Variants in UGCG observed in about 807,000 individuals in gnomAD.
UGCG encodes the protein ceramide glucosyltransferase.
A neutral mutation model predicts 49.5 loss-of-function variants in UGCG; 10 were observed. The observed-to-expected ratio is 0.20, with a 90% confidence interval of 0.12 to 0.34. The LOEUF is 0.34. Ranked by LOEUF, UGCG falls within the 10% of genes least tolerant of loss-of-function variation. UGCG has a pLI of 1.00. For synonymous variants in UGCG, 182 were observed against 158.2 expected (o/e 1.15, Z -1.13); for missense variants, 312 against 483.7 (o/e 0.65, Z 3.33).
intron 7 of UGCG, 78 bp downstream of exon 7, chr9:111,931,435 T>A: frequency 1.5e-6 from 2 of 1,342,312 alleles, no homozygotes; most frequent in Non-Finnish European, 2.1e-6. Context: ...AGGTTTAATG[T>A]AGTTAAATGA....
rs749473921 is a variant in UGCG at position 111,922,831 on chromosome 9, A to G, written c.241-18A>G. 1 of 1,558,640 alleles carries G rather than the reference A, an allele frequency of 6.4e-7. No homozygotes were observed. The highest frequency in any genetic ancestry group is 8.7e-7 in the Non-Finnish European group (1 of 1,143,256). ...TTTTTTTAAAGAATTTAATTTACAT[A>G]CAATGCTTTTTGACTAGTATGAAGT... On this transcript the variant is annotated intron_variant, in intron 2 of 8. Transcript: ENST00000374279.
chr9:111,922,739 T>A, intron 2 of UGCG, 110 bp from the exon 3 acceptor site: 1 of 626,204 alleles, frequency 1.6e-6, no homozygotes, highest in African/African-American at 1.9e-5. Flanking sequence ...TTTAAAACTT[T>A]GCATAATACA....
At chr9:111,928,534 C>T (rs962270734) in intron 5 of UGCG, among the ~76,000 whole-genome samples, 5 of 152,186 alleles carry the variant, frequency 3.3e-5, no homozygotes, top group Admixed American at 2.6e-4. Flanking sequence ...TGACTAACAT[C>T]TCATTCCTAA....
chr9:111,923,911 T>C (rs952688911), intron 3 of UGCG, among the ~76,000 whole-genome samples: 5 of 151,868 alleles, frequency 3.3e-5, no homozygotes, highest in African/African-American at 1.2e-4. Context: ...GATTATAGCC[T>C]CCCCAGTAGC....
chr9:111,926,988 T>A (rs1429346540), intron 5 of UGCG, among the ~76,000 whole-genome samples: 1 of 145,018 alleles, frequency 6.9e-6, no homozygotes, highest in African/African-American at 2.5e-5. Context: ...TTCTTCTGCC[T>A]CAGCCTCCCA....
chr9:111,932,440 G>T (rs1838442913), intron 8 of UGCG, 81 bp downstream of exon 8: 8 of 1,365,566 alleles, frequency 5.9e-6, no homozygotes, highest in Non-Finnish European at 8.0e-6. Context: ...TGAAGGAAAT[G>T]TATCTGAGCC....
intron 5 of UGCG, among the ~76,000 whole-genome samples, chr9:111,927,223 A>G (rs1256367416): frequency 6.6e-6 from 1 of 152,192 alleles, no homozygotes; most frequent in Non-Finnish European, 1.5e-5. Context: ...TACACAAAAG[A>G]AAATGTATTC....
chr9:111,899,653 ACT>A (rs1780570115), intron 1 of UGCG, among the ~76,000 whole-genome samples: 1 of 151,446 alleles, frequency 6.6e-6, no homozygotes, highest in Admixed American at 6.6e-5. Context: ...ACATTTTCTA[ACT>A]CTGTTATAAT....
At position 111,933,822 on chromosome 9, in the gene UGCG, C is replaced by G. The variant is rs1009697766; in HGVS notation, c.*825C>G. On this transcript the variant is annotated 3_prime_UTR_variant, in exon 9 of 9. Transcript: ENST00000374279. ...ATCTTTTCCTTCCTTGCTCCTCCCC[C>G]AGCCCACCCCGTCTTCCCTTAACAT... The G allele has an allele frequency of 3.3e-5, 5 of 152,134 alleles. No homozygotes were observed. Among genetic ancestry groups the G allele is most frequent in the African/African-American group, 9.7e-5 (4 of 41,420 alleles). 9.4% of individuals were successfully genotyped at this position (152,134 alleles called of 1,614,324 possible).
At chr9:111,920,307 A>G (rs550897339) in intron 2 of UGCG, among the ~76,000 whole-genome samples, 1 of 152,082 alleles carries the variant, frequency 6.6e-6, no homozygotes. Context: ...CTTATTAGCT[A>G]ACCTTCTTCA....
intron 5 of UGCG, 109 bp downstream of exon 5, chr9:111,926,605 C>T (rs767595241): frequency 1.1e-5 from 8 of 744,414 alleles, no homozygotes; most frequent in African/African-American, 7.2e-5. Flanking sequence ...TGTATTAAGT[C>T]CATTTGGGAA....
intron 1 of UGCG, among the ~76,000 whole-genome samples, chr9:111,908,585 C>G (rs1375620986): frequency 6.6e-6 from 1 of 152,034 alleles, no homozygotes; most frequent in Non-Finnish European, 1.5e-5. Flanking sequence ...TAAAAAGTAC[C>G]CCCCACACCA....
At chr9:111,927,000 G>A (rs1481486484) in intron 5 of UGCG, among the ~76,000 whole-genome samples, 1 of 146,614 alleles carries the variant, frequency 6.8e-6, no homozygotes, top group Non-Finnish European at 1.5e-5. Flanking sequence ...AGCCTCCCAA[G>A]TAGCTGGGAT....
chr9:111,918,924 C>CAA (rs71373797), intron 2 of UGCG, among the ~76,000 whole-genome samples: 61 of 111,868 alleles, frequency 5.5e-4, no homozygotes, highest in Middle Eastern at 4.9e-3. Context: ...GACTCCGTCT[C>CAA]AAAAAAAAAA....
chr9:111,929,801 G>A, intron 6 of UGCG, 123 bp downstream of exon 6: 1 of 1,082,306 alleles, frequency 9.2e-7, no homozygotes, highest in Non-Finnish European at 1.3e-6. Flanking sequence ...AGTAAGTACA[G>A]AATAGGTCAA....
intron 1 of UGCG, among the ~76,000 whole-genome samples, chr9:111,900,335 A>G (rs988248160): frequency 1.3e-5 from 2 of 152,126 alleles, no homozygotes; most frequent in Non-Finnish European, 2.9e-5. Context: ...CCCTGTGTAC[A>G]TAAGGTCCTA....
At chr9:111,930,275 T>C (rs1020121892) in intron 6 of UGCG, among the ~76,000 whole-genome samples, 1 of 152,236 alleles carries the variant, frequency 6.6e-6, no homozygotes, top group Non-Finnish European at 1.5e-5. Context: ...TTTTACTATA[T>C]AGATACAAAT....
At chr9:111,909,586 T>C (rs189042947) in intron 1 of UGCG, among the ~76,000 whole-genome samples, 1 of 152,234 alleles carries the variant, frequency 6.6e-6, no homozygotes, top group African/African-American at 2.4e-5. Flanking sequence ...GGAATTCACC[T>C]GTTGCTTGTT....
intron 1 of UGCG, 132 bp from the exon 2 acceptor site, chr9:111,914,473 T>A (rs1838075003): frequency 2.3e-6 from 2 of 881,944 alleles, no homozygotes; most frequent in Middle Eastern, 3.5e-4. Context: ...CATGTTTAGA[T>A]CCTCTTTTAG....
Sources: allele counts gnomAD v4.1 joint callset (sites outside exome capture counted in the v4.1 genomes callset), GRCh38; gene constraint gnomAD v4.1.1; transcripts MANE v1.5; gene names NCBI Gene and HGNC (gene_info 2026-07-23, HGNC 2026-07-21).